ASIC2: variants seen among roughly 807,000 people sequenced by gnomAD.
ASIC2 encodes the protein acid sensing ion channel subunit 2, also known as acid-sensing ion channel 2.
Under a neutral mutation model 57.3 loss-of-function variants are expected in ASIC2, and 25 were observed. That is an observed-to-expected ratio of 0.44 (90% CI 0.32 to 0.61). ASIC2 has a LOEUF of 0.61. Among genes scored for constraint, ASIC2 ranks in the 20% least tolerant of loss-of-function variants. The probability of loss-of-function intolerance (pLI) is 0.06; values close to 1 mark genes in which losing one functional copy is unlikely to be tolerated. For missense variants in ASIC2, 641 were observed against 738.1 expected (o/e 0.87, Z 1.52); for synonymous variants, 319 against 307.5 (o/e 1.04, Z -0.39).
chr17:33,226,789 T>C (rs1907895904), intron 1 of ASIC2, among the ~76,000 whole-genome samples: 1 of 152,202 alleles, frequency 6.6e-6, no homozygotes, highest in South Asian at 2.1e-4. Context: ...CCTGGGTAGA[T>C]CTGAGACAGT....
chr17:33,864,711 T>A (rs930300608), intron 1 of ASIC2, among the ~76,000 whole-genome samples: 2 of 152,150 alleles, frequency 1.3e-5, no homozygotes, highest in Non-Finnish European at 2.9e-5. Flanking sequence ...GTGGTGTCAC[T>A]GGCTACTCAT....
chr17:33,385,704 G>A (rs1221203289), intron 1 of ASIC2, among the ~76,000 whole-genome samples: 2 of 152,216 alleles, frequency 1.3e-5, no homozygotes, highest in Non-Finnish European at 2.9e-5. Flanking sequence ...TTGGCAGGAA[G>A]CTTTGCCTGG....
intron 1 of ASIC2, among the ~76,000 whole-genome samples, chr17:33,499,728 C>T (rs1300735046): frequency 1.3e-5 from 2 of 152,228 alleles, no homozygotes; most frequent in Admixed American, 6.5e-5. Context: ...CAGAGTGACA[C>T]GTAACTTTTG....
intron 1 of ASIC2, among the ~76,000 whole-genome samples, chr17:34,125,105 C>A (rs1336212209): frequency 1.3e-5 from 2 of 151,668 alleles, no homozygotes; most frequent in African/African-American, 4.8e-5. Flanking sequence ...TTACCTATAC[C>A]CCAGGACAGA....
intron 1 of ASIC2, among the ~76,000 whole-genome samples, chr17:33,915,441 C>T (rs1305885195): frequency 6.6e-6 from 1 of 152,232 alleles, no homozygotes; most frequent in African/African-American, 2.4e-5. Flanking sequence ...ATCTCTCTCA[C>T]CTTCAATGTC....
At chr17:34,102,701 C>T (rs956022289) in intron 1 of ASIC2, among the ~76,000 whole-genome samples, 4 of 152,180 alleles carry the variant, frequency 2.6e-5, no homozygotes, top group African/African-American at 7.2e-5. Context: ...GAATATAGCA[C>T]AATTTTGTAT....
chr17:33,209,167 A>C (rs950964188), intron 1 of ASIC2, among the ~76,000 whole-genome samples: 4 of 152,230 alleles, frequency 2.6e-5, no homozygotes, highest in African/African-American at 9.6e-5. Context: ...GACATCCGTT[A>C]GGGTTTACTC....
chr17:33,680,858 C>T (rs887702482), intron 1 of ASIC2: 2 of 152,196 alleles, frequency 1.3e-5, no homozygotes, highest in African/African-American at 4.8e-5. Context: ...GCATTTTCTC[C>T]TTCTAAATAT....
chr17:33,851,326 A>G (rs917714969), intron 1 of ASIC2, among the ~76,000 whole-genome samples: 1 of 151,942 alleles, frequency 6.6e-6, no homozygotes, highest in African/African-American at 2.4e-5. Flanking sequence ...GACAGGGTTG[A>G]TGTATTAAAG....
At chr17:33,232,503 T>TGGTATGATATGGTATGGTATGGTAC (rs1908143921) in intron 1 of ASIC2, among the ~76,000 whole-genome samples, 3 of 134,082 alleles carry the variant, frequency 2.2e-5, no homozygotes, top group African/African-American at 8.1e-5. Flanking sequence ...TGGTACGGTA[T>TGGTATGATATGGTATGGTATGGTAC]GGTATGGTAT....
intron 1 of ASIC2, among the ~76,000 whole-genome samples, chr17:34,061,569 GA>G (rs1908970687): frequency 2.0e-5 from 3 of 152,156 alleles, no homozygotes; most frequent in Admixed American, 2.0e-4. Flanking sequence ...CCACTTAAAA[GA>G]TACAGAACCA....
At chr17:33,362,463 G>C (rs1259028575) in intron 1 of ASIC2, among the ~76,000 whole-genome samples, 1 of 152,228 alleles carries the variant, frequency 6.6e-6, no homozygotes, top group East Asian at 1.9e-4. Context: ...AGGAAGGTCA[G>C]GTCTGCAGAG....
intron 3 of ASIC2, among the ~76,000 whole-genome samples, chr17:33,035,454 T>C (rs974895489): frequency 1.3e-5 from 2 of 152,242 alleles, no homozygotes; most frequent in Non-Finnish European, 2.9e-5. Context: ...TATCTTTCTC[T>C]GAATACTGTT....
At position 34,070,872 on chromosome 17, in the gene ASIC2, G is replaced by A. The variant is rs191435629; in HGVS notation, c.555+85106C>T. ...TACTCTGACTCCAAGAGAGGTTTAG[G>A]GACAGCGCCACAGAGGCAGAGTCTG... On this transcript the variant is annotated intron_variant, in intron 1 of 9. Transcript: ENST00000359872. 321 of 152,404 alleles carry A rather than the reference G, an allele frequency of 2.1e-3. 1 individual carries two copies. The highest frequency in any genetic ancestry group is 0.014 in the Middle Eastern group (4 of 294). The allele number at this position is 152,404 out of a possible 1,614,324, so 9.4% of individuals were successfully genotyped here. A position where few individuals can be genotyped will look rare whatever the true frequency, so the allele number is the denominator to read the frequency against.
intron 1 of ASIC2, among the ~76,000 whole-genome samples, chr17:33,229,756 C>A (rs774833586): frequency 6.4e-4 from 98 of 152,334 alleles, no homozygotes; most frequent in Non-Finnish European, 8.4e-4. Context: ...TTGGAACAAG[C>A]TGCTTTTCCA....
intron 1 of ASIC2, among the ~76,000 whole-genome samples, chr17:33,660,143 C>T (rs1050743428): frequency 6.6e-6 from 1 of 151,790 alleles, no homozygotes. Flanking sequence ...GATTGGATCT[C>T]GCAGGACTAG....
chr17:33,020,856 GC>G (rs575803776), intron 7 of ASIC2, among the ~76,000 whole-genome samples: 51 of 152,166 alleles, frequency 3.4e-4, no homozygotes, highest in Admixed American at 7.2e-4. Context: ...TGATACCTCT[GC>G]CCCCTCTCCA....
At chr17:33,781,072 A>C (rs1567713862) in intron 1 of ASIC2, among the ~76,000 whole-genome samples, 1 of 152,190 alleles carries the variant, frequency 6.6e-6, no homozygotes, top group Non-Finnish European at 1.5e-5. Flanking sequence ...AACTCAAGGC[A>C]TACAGAGGGT....
chr17:33,595,994 C>G (rs1365281673), intron 1 of ASIC2, among the ~76,000 whole-genome samples: 2 of 152,240 alleles, frequency 1.3e-5, no homozygotes, highest in African/African-American at 4.8e-5. Context: ...CTCTATAATG[C>G]TCCTTGCTTA....
Sources: gnomAD v4.1 joint callset for allele counts (sites outside exome capture counted in the v4.1 genomes callset) on GRCh38, gnomAD v4.1.1 for gene constraint, MANE v1.5 for transcripts, NCBI Gene and HGNC (gene_info 2026-07-23, HGNC 2026-07-21) for gene names.